The following TEX264 variants were observed in gnomAD, a reference collection of about 807,000 sequenced individuals.
The protein encoded by TEX264 is testis-expressed protein 264.
A neutral mutation model predicts 23.4 loss-of-function variants in TEX264; 13 were observed. The observed-to-expected ratio is 0.56, with a 90% CI of 0.36 to 0.88. TEX264 has a LOEUF of 0.88. Among genes scored for constraint, TEX264 ranks in the 40% least tolerant of loss-of-function variants. The pLI is 0.01. For missense variants in TEX264, 340 were observed against 406.8 expected (o/e 0.84, Z 1.41); for synonymous variants, 159 against 170.0 (o/e 0.94, Z 0.50).
Position 51,703,645 on chromosome 3 carries a change from C to T in TEX264, c.650-79C>T. The stretch of plus-strand genomic sequence containing the variant: ...GGAGGCTGCATTATTCATGAGTGCA[C>T]TGCGTGCTGAGTTGCCTCTCCCTGG... On this transcript the variant is annotated intron_variant, in intron 4 of 4. Coordinates refer to ENST00000341333, the MANE Select transcript of TEX264 (RefSeq NM_015926.6). The surrounding 1 kb of genome is among the most constrained non-coding windows in gnomAD (Gnocchi z 4.8). 6.9e-7 allele frequency: 1 copy of T among 1,453,252 alleles called. No homozygotes were observed. Among genetic ancestry groups the T allele is most frequent in the Non-Finnish European group, 9.3e-7 (1 of 1,072,412 alleles). 90.0% of individuals were successfully genotyped at this position (1,453,252 alleles called of 1,614,324 possible).
chr3:51,699,377 C>T (rs1340675467), intron 3 of TEX264, 29 bp from the exon 4 acceptor site: 9 of 1,610,166 alleles, frequency 5.6e-6, no homozygotes, highest in African/African-American at 1.3e-5. Context: ...CTGTAGGGCT[C>T]ATTCTACCTT....
At chr3:51,689,758 G>A (rs1702760965) in intron 3 of TEX264, among the ~76,000 whole-genome samples, 1 of 152,214 alleles carries the variant, frequency 6.6e-6, no homozygotes, top group Non-Finnish European at 1.5e-5. Context: ...CTACATGTCT[G>A]TTCTCGATCC....
intron 3 of TEX264, among the ~76,000 whole-genome samples, chr3:51,694,880 G>T (rs1702995483): frequency 6.6e-6 from 1 of 152,236 alleles, no homozygotes; most frequent in Non-Finnish European, 1.5e-5. Flanking sequence ...TGGCTTCTGG[G>T]CCAGAAGCTT....
chr3:51,693,786 A>G (rs1268442482), intron 3 of TEX264, among the ~76,000 whole-genome samples: 1 of 151,742 alleles, frequency 6.6e-6, no homozygotes, highest in Non-Finnish European at 1.5e-5. Flanking sequence ...GGCCTCCATT[A>G]TGTTTTCTAC....
intron 3 of TEX264, among the ~76,000 whole-genome samples, chr3:51,687,002 G>A (rs1283728139): frequency 6.6e-6 from 1 of 152,226 alleles, no homozygotes; most frequent in Non-Finnish European, 1.5e-5. Flanking sequence ...CAAGTTGCCT[G>A]GTTTTGACGT....
chr3:51,704,098 T>G lies in TEX264; in HGVS notation c.*82T>G. 8.1e-7 allele frequency: 1 copy of G among 1,237,016 alleles called. No homozygotes were observed. The highest frequency in any genetic ancestry group is 1.0e-6 in the Non-Finnish European group (1 of 965,076). The allele number at this position is 1,237,016 out of a possible 1,614,324, so 76.6% of individuals were successfully genotyped here. Reference sequence around the variant, plus strand: ...GCAGACTCTCCAGCCCTCTTCCTCCTTCCTCTGGGGGAGGAGGGGTTCCTG... The same window carrying G: ...GCAGACTCTCCAGCCCTCTTCCTCCGTCCTCTGGGGGAGGAGGGGTTCCTG... On this transcript the variant is annotated 3_prime_UTR_variant, in exon 5 of 5. Coordinates refer to ENST00000341333, the MANE Select transcript of TEX264 (RefSeq NM_015926.6).
intron 3 of TEX264, among the ~76,000 whole-genome samples, chr3:51,687,293 C>T (rs1471304229): frequency 6.6e-6 from 1 of 152,216 alleles, no homozygotes; most frequent in Non-Finnish European, 1.5e-5. Flanking sequence ...TTAGCCTGAC[C>T]TTGCGTCTTG....
intron 3 of TEX264, among the ~76,000 whole-genome samples, chr3:51,695,400 G>T (rs1703016601): frequency 6.6e-6 from 1 of 152,210 alleles, no homozygotes; most frequent in Admixed American, 6.5e-5. Flanking sequence ...CTGGGAGTGG[G>T]ACCCATCATC....
intron 2 of TEX264, among the ~76,000 whole-genome samples, chr3:51,678,372 C>A (rs1400020736): frequency 4.6e-5 from 7 of 152,192 alleles, no homozygotes; most frequent in Admixed American, 4.6e-4. Context: ...ATCCTGTCTG[C>A]CAGGCTGGCT....
chr3:51,699,834 C>T (rs1036441245), intron 4 of TEX264, among the ~76,000 whole-genome samples: 1 of 152,160 alleles, frequency 6.6e-6, no homozygotes, highest in Non-Finnish European at 1.5e-5. Context: ...TGCCTGGATT[C>T]CCTCCAGATG....
chr3:51,675,149 A>G (rs1559669646), intron 2 of TEX264, among the ~76,000 whole-genome samples: 1 of 152,222 alleles, frequency 6.6e-6, no homozygotes, highest in Non-Finnish European at 1.5e-5. Context: ...CAAGGGGGCT[A>G]GTGGAGCCAG....
At chr3:51,699,225 C>T (rs1179999378) in intron 3 of TEX264, among the ~76,000 whole-genome samples, 181 bp from the exon 4 acceptor site, 14 of 152,132 alleles carry the variant, frequency 9.2e-5, no homozygotes, top group African/African-American at 2.9e-4. Context: ...ACTATGGGGC[C>T]CTGCTGTTAG....
chr3:51,696,483 G>GA (rs1234412905), intron 3 of TEX264, among the ~76,000 whole-genome samples: 2 of 152,236 alleles, frequency 1.3e-5, no homozygotes, highest in African/African-American at 4.8e-5. Context: ...AAGGACCTGA[G>GA]AGCCAGCCCA....
intron 4 of TEX264, among the ~76,000 whole-genome samples, chr3:51,700,701 C>G (rs1703263136): frequency 2.1e-5 from 3 of 144,364 alleles, no homozygotes; most frequent in African/African-American, 7.5e-5. Flanking sequence ...CAGCTTCCTT[C>G]CCTCCCAAAC....
chr3:51,703,649 G>A lies in TEX264; in HGVS notation c.650-75G>A, dbSNP rs772014792. The A allele has an allele frequency of 5.0e-5, 73 of 1,472,520 alleles. No homozygotes were observed. The highest frequency in any genetic ancestry group is 6.2e-5 in the Non-Finnish European group (67 of 1,088,204). 91.2% of individuals were successfully genotyped at this position (1,472,520 alleles called of 1,614,324 possible). ...GCTGCATTATTCATGAGTGCACTGC[G>A]TGCTGAGTTGCCTCTCCCTGGAGGA... is the stretch of plus-strand genomic sequence containing the variant. On this transcript the variant is annotated intron_variant, in intron 4 of 4. Coordinates refer to ENST00000341333, the MANE Select transcript of TEX264 (RefSeq NM_015926.6). This position sits in a 1 kb window ranked among gnomAD's most constrained non-coding sequence, Gnocchi z 4.8.
intron 1 of TEX264, chr3:51,672,090 CT>C (rs1324037316): frequency 6.6e-6 from 1 of 152,390 alleles, no homozygotes; most frequent in Non-Finnish European, 1.5e-5. Context: ...CTAGGTTTGG[CT>C]TCTGATTTCC....
chr3:51,698,474 G>C (rs1159615648), intron 3 of TEX264, among the ~76,000 whole-genome samples: 1 of 151,730 alleles, frequency 6.6e-6, no homozygotes, highest in Non-Finnish European at 1.5e-5. Flanking sequence ...TGGCGGGGCA[G>C]GCTCTGAGTA....
intron 3 of TEX264, among the ~76,000 whole-genome samples, chr3:51,693,911 C>T (rs1702923189): frequency 6.6e-6 from 1 of 152,196 alleles, no homozygotes; most frequent in African/African-American, 2.4e-5. Context: ...AGTTTTCTTA[C>T]CGTCACATAA....
Position 51,703,886 on chromosome 3 carries a change from C to T in TEX264, c.812C>T (p.Ser271Phe). 3 of 1,612,086 alleles carry T rather than the reference C, an allele frequency of 1.9e-6. No individual in the cohort carries two copies. The highest frequency in any genetic ancestry group is 1.1e-5 in the South Asian group (1 of 91,028). ...HSYSESGASG[S>F]SFEELDLEGE... ...TACAGCGAGTCAGGTGCCAGCGGCT[C>T]CTCTTTTGAGGAGCTGGACTTGGAG... is the stretch of plus-strand genomic sequence containing the variant. Residue 271 changes from serine to phenylalanine, a missense_variant, in exon 5 of 5, where the codon TCC (serine) becomes TTC (phenylalanine). Coordinates refer to ENST00000341333, the MANE Select transcript of TEX264 (RefSeq NM_015926.6). This position sits in a 1 kb window ranked among gnomAD's most constrained non-coding sequence, Gnocchi z 4.8.
Sources: allele counts gnomAD v4.1 joint callset (sites outside exome capture counted in the v4.1 genomes callset), GRCh38; gene constraint gnomAD v4.1.1; non-coding constraint Gnocchi (gnomAD v3.1); transcripts MANE v1.5; gene names NCBI Gene and HGNC (gene_info 2026-07-23, HGNC 2026-07-21).